The following LMNB2 variants were observed in gnomAD, a reference collection of about 807,000 sequenced individuals.
LMNB2 encodes lamin B2, also known as lamin-B2.
Under a neutral mutation model 69.3 loss-of-function variants are expected in LMNB2, and 17 were observed. That is an observed-to-expected ratio of 0.25 (90% CI 0.17 to 0.37). The LOEUF is 0.37. LMNB2 is among the 10% of genes least tolerant of loss of function. The probability of loss-of-function intolerance (pLI) is 1.00; values close to 1 mark genes in which losing one functional copy is unlikely to be tolerated. For synonymous variants in LMNB2, 397 were observed against 389.3 expected, an observed-to-expected ratio of 1.02 and a Z score of -0.23; for missense variants, 789 against 883.6, an observed-to-expected ratio of 0.89 and a Z score of 1.36.
intron 6 of LMNB2, 54 bp downstream of exon 6, chr19:2,434,734 A>C (rs1971798201): frequency 1.9e-6 from 3 of 1,567,598 alleles, no homozygotes; most frequent in African/African-American, 2.7e-5. Flanking sequence ...CATCCAGGGC[A>C]GGGCCCAGAA....
In LMNB2 at chr19:2,434,930, G is replaced by A. The variant is rs777712102; in HGVS notation, c.856-17C>T. The A allele has an allele frequency of 3.5e-5, 56 of 1,595,154 alleles. 1 individual carries two copies. Among genetic ancestry groups the A allele is most frequent in the Admixed American group, 1.5e-4 (9 of 58,900 alleles). Reference sequence around the variant, plus strand: ...GCTGTCCAGCTGTGGGGAGACGGGCGGGTGAGTGCGGGCGCGGGGCGGGGC... The same window carrying A: ...GCTGTCCAGCTGTGGGGAGACGGGCAGGTGAGTGCGGGCGCGGGGCGGGGC... On this transcript the variant is annotated splice_polypyrimidine_tract_variant and intron_variant, in intron 5 of 11. Transcript: ENST00000325327.
Position 2,434,405 on chromosome 19 carries a change from C to G in LMNB2, c.1092G>C (p.Arg364=), listed in dbSNP as rs1971793373. Reference sequence around the variant, plus strand: ...CGGCCAGCTGCTGCTGCATCACGTCCCGCATCTCCGTCATCTCCTGCTCCT... The same window carrying G: ...CGGCCAGCTGCTGCTGCATCACGTCGCGCATCTCCGTCATCTCCTGCTCCT... The part of the protein sequence containing the change: ...DAKEQEMTEM[R]DVMQQQLAEY... Residue 364 remains arginine (R), a synonymous_variant, in exon 7 of 12, where the codon CGG becomes CGC. Transcript: ENST00000325327. 3 of 1,613,482 alleles carry G rather than the reference C, an allele frequency of 1.9e-6. No homozygotes were observed. Among genetic ancestry groups the G allele is most frequent in the East Asian group, 4.5e-5 (2 of 44,884 alleles).
rs541875393 is a variant in LMNB2, at chr19:2,432,607, C to G, written c.1483-84G>C. ...CGCCCTGGCTGGTGGCCCCATCACCCTGACCCTGGTCACCCCCACCAGCTA... is the reference window on the plus strand; with the variant it reads ...CGCCCTGGCTGGTGGCCCCATCACCGTGACCCTGGTCACCCCCACCAGCTA... On this transcript the variant is annotated intron_variant, in intron 8 of 11. Transcript: ENST00000325327. 7 of 1,137,342 alleles carry G rather than the reference C, an allele frequency of 6.2e-6. No homozygotes were observed. The African/African-American group carries it at 9.1e-5, about 15-fold the overall frequency. The allele number at this position is 1,137,342 out of a possible 1,614,324, so 70.5% of individuals were successfully genotyped here. A position where few individuals can be genotyped will look rare whatever the true frequency, so the allele number is the denominator to read the frequency against.
Position 2,431,650 on chromosome 19 carries a change from G to A in LMNB2, c.1719C>T (p.Ala573=). The A allele has an allele frequency of 6.2e-7, 1 of 1,614,104 alleles. No individual in the cohort carries two copies. Among genetic ancestry groups the A allele is most frequent in the South Asian group, 1.1e-5 (1 of 91,076 alleles). Residue 573 remains alanine, a synonymous_variant, in exon 11 of 12, where the codon GCC becomes GCT. Coordinates refer to ENST00000325327, the MANE Select transcript of LMNB2 (RefSeq NM_032737.4). ...CCGAGGACTTCTTCACAGTCCTCAT[G>A]GCCACTTCCTGTGCGGGACAGGACA... is the stretch of plus-strand genomic sequence containing the variant. The part of the protein sequence containing the change: ...VLVNADGEEV[A]MRTVKKSSVM...
rs1971801033 is a variant in LMNB2 at position 2,434,906 on chromosome 19, C to T, written c.863G>A (p.Ser288Asn). Residue 288 changes from serine to asparagine, a missense_variant, in exon 6 of 12, where the codon AGC (serine) becomes AAC (asparagine). Around this residue, in one of 3 missense-constraint regions of LMNB2, gnomAD observed 609 missense variants for 630.9 expected, o/e 0.97. Transcript: ENST00000325327. Reference sequence around the variant, plus strand: ...GTTCTGGTCAGAGCTCAGCTTGGCGCTGTCCAGCTGTGGGGAGACGGGCGG... The same window carrying T: ...GTTCTGGTCAGAGCTCAGCTTGGCGTTGTCCAGCTGTGGGGAGACGGGCGG... ...LEQTYQAKLD[S>N]AKLSSDQNDK... The T allele has an allele frequency of 3.1e-6, 5 of 1,603,634 alleles. No homozygotes were observed. Among genetic ancestry groups the T allele is most frequent in the Non-Finnish European group, 4.2e-6 (5 of 1,178,708 alleles).
rs1971753152 is a variant in LMNB2 at position 2,432,447 on chromosome 19, T to C, written c.1559A>G (p.Lys520Arg). 6.2e-7 allele frequency: 1 copy of C among 1,612,596 alleles called. No homozygotes were observed. The highest frequency in any genetic ancestry group is 8.5e-7 in the Non-Finnish European group (1 of 1,179,418). ...GEEIAYKFTPKYILRAGQMVT... is the reference protein window; with the variant it reads ...GEEIAYKFTPRYILRAGQMVT... ...CATCTGGCCGGCGCGCAGGATGTAC[T>C]TGGGCGTGAACTTGTAGGCGATCTC... is the stretch of plus-strand genomic sequence containing the variant. Residue 520 changes from lysine (K) to arginine (R), a missense_variant, in exon 9 of 12, where the codon AAG (lysine) becomes AGG (arginine). By Grantham distance (26) the Lys-to-Arg change is conservative. Coordinates refer to ENST00000325327, the MANE Select transcript of LMNB2 (RefSeq NM_032737.4).
intron 1 of LMNB2, among the ~76,000 whole-genome samples, chr19:2,454,396 T>C (rs1418364800): frequency 6.6e-6 from 1 of 151,754 alleles, no homozygotes; most frequent in Non-Finnish European, 1.5e-5. Context: ...TCAGGTTCCC[T>C]GTCCCCAGGG....
chr19:2,456,887 C>T lies in LMNB2; in HGVS notation c.47G>A (p.Arg16Gln), dbSNP rs1246744681. The T allele has an allele frequency of 4.7e-6, 5 of 1,063,248 alleles. No individual in the cohort carries two copies. The highest frequency in any genetic ancestry group is 4.3e-5 in the South Asian group (1 of 23,016). 65.9% of individuals were successfully genotyped at this position (1,063,248 alleles called of 1,614,324 possible). A position where few individuals can be genotyped will look rare whatever the true frequency, so the allele number is the denominator to read the frequency against. Residue 16 changes from arginine (R) to glutamine (Q), a missense_variant, in exon 1 of 12, where the codon CGA (arginine) becomes CAA (glutamine). Physicochemically the swap from Arg to Gln is conservative, Grantham distance 43. Coordinates refer to ENST00000325327, the MANE Select transcript of LMNB2 (RefSeq NM_032737.4). ...CGGCGTGGCCATGGTGGCGGCGGCT[C>T]GCGGCCTGCGCTGCTCCCGACGGCG... ...PGRRREQRRP[R>Q]AAATMATPLP...
chr19:2,454,917 C>T (rs1245964563), intron 1 of LMNB2, among the ~76,000 whole-genome samples: 2 of 152,116 alleles, frequency 1.3e-5, no homozygotes, highest in African/African-American at 4.8e-5. Context: ...GGCAGACTTT[C>T]CCGCCTCTTC....
At chr19:2,445,298 G>A (rs1971943048) in intron 1 of LMNB2, among the ~76,000 whole-genome samples, 2 of 150,246 alleles carry the variant, frequency 1.3e-5, no homozygotes, top group Non-Finnish European at 3.0e-5. Context: ...CCCCACTTCT[G>A]CCAACCGGGG....
intron 1 of LMNB2, among the ~76,000 whole-genome samples, chr19:2,444,872 G>T (rs553735930): frequency 1.2e-3 from 189 of 152,320 alleles, no homozygotes; most frequent in African/African-American, 4.5e-3. Flanking sequence ...CCCAGTGCTG[G>T]AGACCAAAGG....
In LMNB2 at chr19:2,434,448, C is replaced by T. The variant is rs754644849; in HGVS notation, c.1049G>A (p.Arg350Gln). Residue 350 changes from arginine (R) to glutamine (Q), a missense_variant, in exon 7 of 12, where the codon CGG (arginine) becomes CAG (glutamine). Arg to Gln is a conservative substitution (Grantham distance 43, BLOSUM62 1). This residue lies in a region of LMNB2 where 609 missense variants were observed against 630.9 expected (regional missense o/e 0.97). Coordinates refer to ENST00000325327, the MANE Select transcript of LMNB2 (RefSeq NM_032737.4). ...CTGCTCCTTGGCGTCCAGCATCTTC[C>T]GGAACTTGTCCCGCTCCCCGGCCAT... ...EAMAGERDKF[R>Q]KMLDAKEQEM... 201 of 1,613,324 alleles carry T rather than the reference C, an allele frequency of 1.2e-4. No homozygotes were observed. The highest frequency in any genetic ancestry group is 6.6e-4 in the Middle Eastern group (4 of 6,084).
Position 2,431,677 on chromosome 19 carries a change from G to A in LMNB2, c.1711-19C>T, listed in dbSNP as rs777523411. The A allele has an allele frequency of 2.7e-5, 43 of 1,613,934 alleles. No homozygotes were observed. The highest frequency in any genetic ancestry group is 2.0e-4 in the South Asian group (18 of 91,084). On this transcript the variant is annotated intron_variant, in intron 10 of 11. Transcript: ENST00000325327. ...CCACTTCCTGTGCGGGACAGGACACGGCGGCATGTCCCGGGATCGGGCCCA... is the reference window on the plus strand; with the variant it reads ...CCACTTCCTGTGCGGGACAGGACACAGCGGCATGTCCCGGGATCGGGCCCA...
chr19:2,430,441 A>G lies in LMNB2; in HGVS notation c.*470T>C, dbSNP rs1342469253. On this transcript the variant is annotated 3_prime_UTR_variant, in exon 12 of 12. Transcript: ENST00000325327. ...TCCCGCTGTCCGAAGCTGGGCAGCC[A>G]GAATGCAGGCTTGGCCCCGGGCCCC... The G allele has an allele frequency of 1.6e-5, 4 of 250,584 alleles. No individual in the cohort carries two copies. Among genetic ancestry groups the G allele is most frequent in the African/African-American group, 9.0e-5 (4 of 44,420 alleles). The allele number at this position is 250,584 out of a possible 1,614,324, so 15.5% of individuals were successfully genotyped here. A position where few individuals can be genotyped will look rare whatever the true frequency, so the allele number is the denominator to read the frequency against.
chr19:2,441,068 A>G (rs909772478), intron 2 of LMNB2, among the ~76,000 whole-genome samples: 1 of 152,258 alleles, frequency 6.6e-6, no homozygotes, highest in African/African-American at 2.4e-5. Flanking sequence ...CTGGGATCCC[A>G]GTGCCAGAGC....
At position 2,431,604 on chromosome 19, in the gene LMNB2, C is replaced by T. The variant is rs369186977; in HGVS notation, c.1765G>A (p.Gly589Arg). 1.4e-5 allele frequency: 22 copies of T among 1,614,032 alleles called. No homozygotes were observed. The highest frequency in any genetic ancestry group is 2.7e-5 in the African/African-American group (2 of 74,934). Residue 589 changes from glycine to arginine, a missense_variant, in exon 11 of 12, where the codon GGG becomes AGG. This residue lies in a region of LMNB2 where 609 missense variants were observed against 630.9 expected (regional missense o/e 0.97). Coordinates refer to ENST00000325327, the MANE Select transcript of LMNB2 (RefSeq NM_032737.4). Reference protein sequence around the residue: ...KSSVMRENENGEEEEEEAEFG... With the variant: ...KSSVMRENENREEEEEEAEFG... ...TCGGCTTCCTCCTCCTCTTCCTCCC[C>T]ATTCTCATTCTCACGCATCACCGAG...
chr19:2,433,982 C>A lies in LMNB2; in HGVS notation c.1326G>T (p.Glu442Asp). 6.2e-7 allele frequency: 1 copy of A among 1,610,370 alleles called. No homozygotes were observed. The highest frequency in any genetic ancestry group is 1.3e-5 in the African/African-American group (1 of 75,034). Residue 442 changes from glutamate (E) to aspartate (D), a missense_variant, in exon 8 of 12, where the codon GAG becomes GAT. Coordinates refer to ENST00000325327, the MANE Select transcript of LMNB2 (RefSeq NM_032737.4). ...CGCTTGGGCCGCTGCCCAAGGGCTC[C>A]TCCACCTCCAGCCGCTTCCGCTTAC... is the stretch of plus-strand genomic sequence containing the variant. The part of the protein sequence containing the change: ...GRSKRKRLEV[E>D]EPLGSGPSVL...
chr19:2,428,661 G>T lies in LMNB2; in HGVS notation c.*2250C>A, dbSNP rs1260238364. 6.6e-6 allele frequency: 1 copy of T among 152,314 alleles called. No individual in the cohort carries two copies. The highest frequency in any genetic ancestry group is 1.9e-4 in the East Asian group (1 of 5,200). 9.4% of individuals were successfully genotyped at this position (152,314 alleles called of 1,614,324 possible). On this transcript the variant is annotated 3_prime_UTR_variant, in exon 12 of 12. Transcript: ENST00000325327. ...TGATGCTTCGCAGGGAGGGCGCTAG[G>T]CTTCGAGTCACACGGCACGGGCTTA...
chr19:2,451,927 C>A (rs1474097020), intron 1 of LMNB2, among the ~76,000 whole-genome samples: 8 of 151,870 alleles, frequency 5.3e-5, no homozygotes, highest in Non-Finnish European at 1.0e-4. Context: ...CAGGGGACAC[C>A]GGGGCAGGGG....
Sources: gnomAD v4.1 joint callset for allele counts (sites outside exome capture counted in the v4.1 genomes callset) on GRCh38, gnomAD v4.1.1 for gene constraint, gnomAD v4.1.1 regional missense constraint, MANE v1.5 for transcripts, NCBI Gene and HGNC (gene_info 2026-07-23, HGNC 2026-07-21) for gene names.